TRIM5: variants seen among roughly 807,000 people sequenced by gnomAD.
TRIM5 encodes tripartite motif containing 5, also known as tripartite motif-containing protein 5.
Under a neutral mutation model 35.6 loss-of-function variants are expected in TRIM5, and 31 were observed. That is an observed-to-expected ratio of 0.87 (90% CI 0.65 to 1.18). The LOEUF is 1.18. Ranked by LOEUF, TRIM5 falls within the 50% of genes most tolerant of loss-of-function variation. The pLI is 0.00. For missense variants in TRIM5, 609 were observed against 591.6 expected, an observed-to-expected ratio of 1.03 and a Z score of -0.31; for synonymous variants, 243 against 215.6, an observed-to-expected ratio of 1.13 and a Z score of -1.11.
chr11:5,682,125 C>T (rs926397111), intron 1 of TRIM5, among the ~76,000 whole-genome samples: 14 of 151,134 alleles, frequency 9.3e-5, no homozygotes, highest in Admixed American at 2.6e-4. Context: ...CTTAACCAGA[C>T]GGGTGTGGTG....
chr11:5,607,295 C>T, the TRIM5 span, among the ~76,000 whole-genome samples: 1 of 152,086 alleles, frequency 6.6e-6, no homozygotes. Context: ...AATAGCACAT[C>T]GATTTGATCA....
At chr11:5,601,865 G>T in the TRIM5 span, among the ~76,000 whole-genome samples, 1 of 152,116 alleles carries the variant, frequency 6.6e-6, no homozygotes, top group African/African-American at 2.4e-5. Context: ...GAGCAGGGCC[G>T]TTAAGAAGTG....
the TRIM5 span, chr11:5,610,626 G>T: frequency 6.3e-7 from 1 of 1,586,666 alleles, no homozygotes; most frequent in Non-Finnish European, 8.6e-7. Flanking sequence ...GCCCTCCCCA[G>T]ACATAGCCAC....
At chr11:5,607,293 A>G in the TRIM5 span, among the ~76,000 whole-genome samples, 1 of 152,194 alleles carries the variant, frequency 6.6e-6, no homozygotes, top group Admixed American at 6.5e-5. Flanking sequence ...GAAATAGCAC[A>G]TCGATTTGAT....
intron 4 of TRIM5, among the ~76,000 whole-genome samples, chr11:5,677,225 G>A (rs12806645): frequency 0.27 from 40,431 of 150,980 alleles, 6,758 homozygotes; most frequent in Non-Finnish European, 0.37. Flanking sequence ...GCTAATATCC[G>A]GAATCTACAA....
the TRIM5 span, chr11:5,604,390 A>T: frequency 1.2e-6 from 1 of 816,716 alleles, no homozygotes; most frequent in Non-Finnish European, 1.8e-6. Context: ...TATATAAAAG[A>T]TTTGTTGGCC....
At chr11:5,667,951 G>C (rs549949267) in intron 4 of TRIM5, among the ~76,000 whole-genome samples, 1 of 152,302 alleles carries the variant, frequency 6.6e-6, no homozygotes, top group South Asian at 2.1e-4. Context: ...GGTTTCTGCA[G>C]ATGGGACATG....
the TRIM5 span, chr11:5,644,073 A>G: frequency 2.4e-6 from 1 of 413,832 alleles, no homozygotes; most frequent in Non-Finnish European, 4.2e-6. Context: ...GACCACCACC[A>G]ACATCAACTA....
chr11:5,657,707 A>AATAT, the TRIM5 span, among the ~76,000 whole-genome samples: 1 of 128,326 alleles, frequency 7.8e-6, no homozygotes, highest in African/African-American at 3.1e-5. Context: ...AATATATATA[A>AATAT]ATATATATAT....
the TRIM5 span, among the ~76,000 whole-genome samples, chr11:5,639,850 C>T: frequency 6.6e-6 from 1 of 151,808 alleles, no homozygotes; most frequent in Non-Finnish European, 1.5e-5. Context: ...TTTATTGGTA[C>T]TTAATAAGTA....
At chr11:5,604,488 T>C in the TRIM5 span, 2 of 1,583,652 alleles carry the variant, frequency 1.3e-6, no homozygotes, top group Non-Finnish European at 1.7e-6. Context: ...GGGTACTGAG[T>C]CAACTGAAGG....
At chr11:5,611,215 A>G in the TRIM5 span, 2 of 1,613,382 alleles carry the variant, frequency 1.2e-6, no homozygotes, top group Non-Finnish European at 1.7e-6. Context: ...GTCTCCTTTT[A>G]TAATGTCACA....
At chr11:5,677,661 C>T (rs923926670) in intron 4 of TRIM5, among the ~76,000 whole-genome samples, 2 of 152,152 alleles carry the variant, frequency 1.3e-5, no homozygotes, top group African/African-American at 2.4e-5. Flanking sequence ...GGCCTCCTGA[C>T]CTCATGACTG....
chr11:5,632,474 C>T, the TRIM5 span: 1 of 1,613,968 alleles, frequency 6.2e-7, no homozygotes, highest in African/African-American at 1.3e-5. Context: ...GAGGCAGTGA[C>T]CAGCATGGGA....
chr11:5,679,526 C>T (rs1341542343), intron 2 of TRIM5, among the ~76,000 whole-genome samples: 1 of 152,028 alleles, frequency 6.6e-6, no homozygotes, highest in Non-Finnish European at 1.5e-5. Flanking sequence ...CCCATCTAAC[C>T]CAAGGTACAA....
chr11:5,595,072 T>C, the TRIM5 span, among the ~76,000 whole-genome samples: 1 of 152,186 alleles, frequency 6.6e-6, no homozygotes, highest in African/African-American at 2.4e-5. Context: ...CCAATGACCT[T>C]TCATTTGCCT....
At chr11:5,610,113 G>A in the TRIM5 span, 4 of 1,607,800 alleles carry the variant, frequency 2.5e-6, no homozygotes, top group Non-Finnish European at 3.4e-6. Context: ...ACAGTCAGCA[G>A]TGTGGGAACT....
At chr11:5,632,628 T>C in the TRIM5 span, 1 of 1,613,150 alleles carries the variant, frequency 6.2e-7, no homozygotes, top group East Asian at 2.2e-5. Context: ...TCTGTGATCA[T>C]CATGGAGAGA....
At chr11:5,619,842 A>G in the TRIM5 span, 1 of 149,534 alleles carries the variant, frequency 6.7e-6, no homozygotes, top group South Asian at 2.1e-4. Flanking sequence ...AACTGGGATT[A>G]CAGGCGCCCA....
Sources: gnomAD v4.1 joint callset for allele counts (sites outside exome capture counted in the v4.1 genomes callset) on GRCh38, gnomAD v4.1.1 for gene constraint, MANE v1.5 for transcripts, NCBI Gene and HGNC (gene_info 2026-07-23, HGNC 2026-07-21) for gene names.